Variants in NTRK3 observed in about 807,000 individuals in gnomAD.
NTRK3 encodes the protein neurotrophic receptor tyrosine kinase 3, also known as NT-3 growth factor receptor.
In NTRK3, 24 loss-of-function variants were observed where a neutral mutation model predicts 91.7. The ratio of observed to expected loss-of-function variants is 0.26; its 90% confidence interval spans 0.19 to 0.37. NTRK3 has a LOEUF of 0.37. NTRK3 is among the 10% of genes least tolerant of loss of function. NTRK3 has a pLI of 1.00. For synonymous variants in NTRK3, 483 were observed against 404.0 expected (o/e 1.20, Z -2.34); for missense variants, 880 against 1,068.9 (o/e 0.82, Z 2.46).
At chr15:88,254,774 C>T (rs2053828678) in intron 3 of NTRK3, among the ~76,000 whole-genome samples, 1 of 152,174 alleles carries the variant, frequency 6.6e-6, no homozygotes, top group African/African-American at 2.4e-5. Context: ...TCTCAGCTGC[C>T]TACCCATTGC....
intron 3 of NTRK3, among the ~76,000 whole-genome samples, chr15:88,254,697 C>G (rs1198208185): frequency 6.6e-6 from 1 of 152,128 alleles, no homozygotes; most frequent in Non-Finnish European, 1.5e-5. Context: ...TTAAGTCCGT[C>G]GAAGGGGTAA....
chr15:88,043,541 T>C, intron 13 of NTRK3, among the ~76,000 whole-genome samples: 1 of 152,162 alleles, frequency 6.6e-6, no homozygotes, highest in East Asian at 1.9e-4. Context: ...ACTGCTACAG[T>C]CCTCATGCCT....
chr15:88,135,745 A>G (rs778220569), intron 9 of NTRK3, among the ~76,000 whole-genome samples, 154 bp downstream of exon 9: 1 of 152,178 alleles, frequency 6.6e-6, no homozygotes, highest in African/African-American at 2.4e-5. Context: ...CCAAGGACTT[A>G]CTTCTCAGTC....
chr15:88,132,323 C>A (rs2041435893), intron 10 of NTRK3, among the ~76,000 whole-genome samples: 2 of 152,252 alleles, frequency 1.3e-5, no homozygotes, highest in Admixed American at 1.3e-4. Flanking sequence ...CTGCTATGCA[C>A]TTGGCAGGCA....
chr15:87,971,257 C>A (rs532682641), intron 14 of NTRK3, among the ~76,000 whole-genome samples: 1 of 152,134 alleles, frequency 6.6e-6, no homozygotes, highest in Non-Finnish European at 1.5e-5. Flanking sequence ...ATATCTGGCT[C>A]CCTCTGAAGC....
At chr15:87,990,118 T>G (rs1290637516) in intron 14 of NTRK3, among the ~76,000 whole-genome samples, 2 of 152,072 alleles carry the variant, frequency 1.3e-5, no homozygotes, top group Non-Finnish European at 2.9e-5. Context: ...ATACTGAGGG[T>G]AGAGTACAAC....
At chr15:87,994,716 C>T (rs1324736545) in intron 14 of NTRK3, among the ~76,000 whole-genome samples, 1 of 152,128 alleles carries the variant, frequency 6.6e-6, no homozygotes, top group Non-Finnish European at 1.5e-5. Flanking sequence ...CATAATTTGG[C>T]AGGAACATAA....
chr15:88,146,228 G>A (rs2151303236), intron 6 of NTRK3, among the ~76,000 whole-genome samples: 1 of 152,296 alleles, frequency 6.6e-6, no homozygotes, highest in East Asian at 1.9e-4. Context: ...AGGCTACTGG[G>A]ATGCTTGATG....
At chr15:88,133,080 G>A (rs2041526284) in intron 10 of NTRK3, among the ~76,000 whole-genome samples, 1 of 152,286 alleles carries the variant, frequency 6.6e-6, no homozygotes, top group Non-Finnish European at 1.5e-5. Flanking sequence ...GTAGATGTGA[G>A]TGGCGCTTGA....
At chr15:88,122,036 C>T (rs1023545563) in intron 13 of NTRK3, among the ~76,000 whole-genome samples, 2 of 152,130 alleles carry the variant, frequency 1.3e-5, no homozygotes, top group African/African-American at 2.4e-5. Context: ...AAAATGGGCA[C>T]CCATTGGAAT....
At chr15:88,152,854 T>C (rs1025507388) in intron 5 of NTRK3, among the ~76,000 whole-genome samples, 8 of 152,236 alleles carry the variant, frequency 5.3e-5, no homozygotes, top group Admixed American at 1.3e-4. Flanking sequence ...TCTGCCCACT[T>C]GCCCACCCCC....
At chr15:88,211,138 CA>C (rs1225939267) in intron 3 of NTRK3, among the ~76,000 whole-genome samples, 1 of 152,216 alleles carries the variant, frequency 6.6e-6, no homozygotes, top group African/African-American at 2.4e-5. Flanking sequence ...GCATTGTCAT[CA>C]CCCCCCAAAA....
chr15:88,137,859 T>C (rs1419971882), intron 6 of NTRK3, among the ~76,000 whole-genome samples: 1 of 152,180 alleles, frequency 6.6e-6, no homozygotes, highest in Non-Finnish European at 1.5e-5. Flanking sequence ...GAGACCATCC[T>C]GACCAACATG....
intron 13 of NTRK3, among the ~76,000 whole-genome samples, chr15:88,059,149 G>T (rs563940334): frequency 6.6e-6 from 1 of 152,256 alleles, no homozygotes; most frequent in Non-Finnish European, 1.5e-5. Flanking sequence ...ATGGCAAGCA[G>T]AGGGCAGGAA....
chr15:88,219,966 C>T (rs918686063), intron 3 of NTRK3, among the ~76,000 whole-genome samples: 1 of 152,324 alleles, frequency 6.6e-6, no homozygotes, highest in East Asian at 1.9e-4. Context: ...CCCCTCCTCT[C>T]TTGCTTCTGC....
intron 3 of NTRK3, among the ~76,000 whole-genome samples, chr15:88,228,499 C>A (rs140154375): frequency 6.6e-6 from 1 of 152,184 alleles, no homozygotes; most frequent in Non-Finnish European, 1.5e-5. Flanking sequence ...CCTCTGGGAG[C>A]TGTGGTAATT....
intron 13 of NTRK3, among the ~76,000 whole-genome samples, chr15:88,068,244 C>A (rs2046821211): frequency 6.6e-6 from 1 of 152,048 alleles, no homozygotes; most frequent in Non-Finnish European, 1.5e-5. Flanking sequence ...CCAGCCTGGA[C>A]AACATGGTGA....
Position 88,061,689 on chromosome 15 carries a change from G to T in NTRK3, c.1397-28644C>A, listed in dbSNP as rs190096066. On this transcript the variant is annotated intron_variant, in intron 13 of 18. Transcript: ENST00000394480. Reference sequence around the variant, plus strand: ...GTGCCTGGCAGGGTGGCGAACTCAGGCCAGAGCAGACGTCAGAGAGGCTGG... The same window carrying T: ...GTGCCTGGCAGGGTGGCGAACTCAGTCCAGAGCAGACGTCAGAGAGGCTGG... Among the ~76,000 whole-genome samples the T allele has an allele frequency of 4.7e-3, 718 of 152,336 alleles. 6 individuals are homozygous for T. Among genetic ancestry groups the T allele is most frequent in the African/African-American group, 0.016 (672 of 41,570 alleles).
chr15:88,162,703 C>T (rs959675621), intron 5 of NTRK3, among the ~76,000 whole-genome samples: 1 of 152,240 alleles, frequency 6.6e-6, no homozygotes, highest in Non-Finnish European at 1.5e-5. Flanking sequence ...GGATAGCAAA[C>T]TCATCCAAGG....
Sources: gnomAD v4.1 joint callset for allele counts (sites outside exome capture counted in the v4.1 genomes callset) on GRCh38, gnomAD v4.1.1 for gene constraint, MANE v1.5 for transcripts, NCBI Gene and HGNC (gene_info 2026-07-23, HGNC 2026-07-21) for gene names.